The following TBC1D23 variants were observed in gnomAD, a reference collection of about 807,000 sequenced individuals.
The protein encoded by TBC1D23 is HCV non-structural protein 4A-transactivated protein 1.
TBC1D23 carries 55 observed loss-of-function variants against 91.4 expected under a neutral mutation model. That is an observed-to-expected ratio of 0.60 (90% CI 0.48 to 0.75). TBC1D23 has a LOEUF of 0.75. TBC1D23 is among the 30% of genes least tolerant of loss of function. The probability of loss-of-function intolerance (pLI) is 0.00; values close to 1 mark genes in which losing one functional copy is unlikely to be tolerated. For synonymous variants in TBC1D23, 289 were observed against 281.0 expected, an observed-to-expected ratio of 1.03 and a Z score of -0.28; for missense variants, 725 against 836.1, an observed-to-expected ratio of 0.87 and a Z score of 1.64.
At chr3:100,306,661 AAG>A (rs1409966969) in intron 13 of TBC1D23, 118 bp downstream of exon 13, 1 of 590,388 alleles carries the variant, frequency 1.7e-6, no homozygotes, top group African/African-American at 1.9e-5. Flanking sequence ...ACATGCAATG[AAG>A]AGTCATATTA....
chr3:100,307,025 T>G (rs1466025256), intron 13 of TBC1D23, among the ~76,000 whole-genome samples: 1 of 152,240 alleles, frequency 6.6e-6, no homozygotes, highest in Non-Finnish European at 1.5e-5. Context: ...GACTTGAGTC[T>G]ATCCACATTT....
At chr3:100,297,331 T>C (rs1279765074) in intron 8 of TBC1D23, among the ~76,000 whole-genome samples, 1 of 152,222 alleles carries the variant, frequency 6.6e-6, no homozygotes, top group African/African-American at 2.4e-5. Flanking sequence ...AAATAACTAA[T>C]TTAAAAAGAC....
In TBC1D23 at chr3:100,270,562, ATG is replaced by A. The variant is rs1363763566; in HGVS notation, c.54-9084_54-9083del. Among the ~76,000 whole-genome samples, 5 of 152,154 alleles carry A rather than the reference ATG, an allele frequency of 3.3e-5. No individual in the cohort carries two copies. The East Asian group carries it at 5.8e-4, about 18-fold the overall frequency. The stretch of plus-strand genomic sequence containing the variant: ...TATATAGGACCCTTTAAGTAAGTAA[ATG>A]TGAAAATTTTAAAGGAAAGGAGATA... On this transcript the variant is annotated intron_variant, in intron 1 of 18. Coordinates refer to ENST00000394144, the MANE Select transcript of TBC1D23 (RefSeq NM_001199198.3).
At chr3:100,264,311 CTCTT>C (rs572724830) in intron 1 of TBC1D23, among the ~76,000 whole-genome samples, 38 of 151,642 alleles carry the variant, frequency 2.5e-4, no homozygotes, top group African/African-American at 8.5e-4. Flanking sequence ...CTCCCTCCCT[CTCTT>C]TCTTTATCTC....
At chr3:100,299,006 A>C (rs548917701) in intron 9 of TBC1D23, among the ~76,000 whole-genome samples, 7 of 152,332 alleles carry the variant, frequency 4.6e-5, no homozygotes, top group Admixed American at 1.3e-4. Flanking sequence ...GTATTTTAAG[A>C]CTTTCCAGTA....
chr3:100,290,786 G>T, intron 5 of TBC1D23, 85 bp downstream of exon 5: 1 of 1,160,878 alleles, frequency 8.6e-7, no homozygotes, highest in Non-Finnish European at 1.2e-6. Context: ...TCAAGGAAGA[G>T]AAAGAAAAGT....
At chr3:100,312,241 C>T (rs949111318) in intron 15 of TBC1D23, among the ~76,000 whole-genome samples, 11 of 152,116 alleles carry the variant, frequency 7.2e-5, no homozygotes, top group Non-Finnish European at 1.2e-4. Context: ...TTCTATCTCC[C>T]GCCTAGCAGC....
At position 100,268,683 on chromosome 3, in the gene TBC1D23, T is replaced by C. The variant is rs550033172; in HGVS notation, c.53+7612T>C. 5.9e-5 allele frequency among the ~76,000 whole-genome samples: 9 copies of C among 152,366 alleles called. No homozygotes were observed. The South Asian group carries it at 1.9e-3, about 32-fold the overall frequency. ...TCTATCTTAGGCAAAAGTTACACTCTGTTTTTAGTTTCCAAATAAACTGCA... is the reference window on the plus strand; with the variant it reads ...TCTATCTTAGGCAAAAGTTACACTCCGTTTTTAGTTTCCAAATAAACTGCA... On this transcript the variant is annotated intron_variant, in intron 1 of 18. Transcript: ENST00000394144.
Position 100,323,587 on chromosome 3 carries a change from G to T in TBC1D23, c.2019G>T (p.Arg673Ser). 6.8e-7 allele frequency: 1 copy of T among 1,476,722 alleles called. No individual in the cohort carries two copies. The highest frequency in any genetic ancestry group is 9.0e-7 in the Non-Finnish European group (1 of 1,108,204). The allele number at this position is 1,476,722 out of a possible 1,614,324, so 91.5% of individuals were successfully genotyped here. Reference sequence around the variant, plus strand: ...TATATGTATTTTTTTTCCCCCTTAGGTATTTGATTCCAAATGCAGGGGATG... The same window carrying T: ...TATATGTATTTTTTTTCCCCCTTAGTTATTTGATTCCAAATGCAGGGGATG... ...ASGIEILAIE[R>S]YLIPNAGDAT... The change falls in exon 19 of 19, where the codon AGG becomes AGT. Residue 673 changes from arginine (R) to serine (S), a missense_variant and splice_region_variant. Transcript: ENST00000394144.
At chr3:100,262,738 A>AC (rs2067523101) in intron 1 of TBC1D23, among the ~76,000 whole-genome samples, 2 of 151,430 alleles carry the variant, frequency 1.3e-5, no homozygotes, top group Admixed American at 1.3e-4. Flanking sequence ...AAAAAAAAAA[A>AC]AAAAAAACAC....
At chr3:100,281,925 A>G (rs1282499407) in intron 3 of TBC1D23, 78 bp downstream of exon 3, 1 of 761,370 alleles carries the variant, frequency 1.3e-6, no homozygotes, top group Non-Finnish European at 2.1e-6. Flanking sequence ...CTTCAGAATA[A>G]TCTTATAATT....
chr3:100,265,203 G>A (rs1369509924), intron 1 of TBC1D23, among the ~76,000 whole-genome samples: 1 of 152,160 alleles, frequency 6.6e-6, no homozygotes, highest in South Asian at 2.1e-4. Context: ...ATGAATGTAC[G>A]CATGAATGAA....
intron 11 of TBC1D23, among the ~76,000 whole-genome samples, 153 bp from the exon 12 acceptor site, chr3:100,304,693 C>A (rs1358885904): frequency 6.6e-6 from 1 of 152,152 alleles, no homozygotes; most frequent in Non-Finnish European, 1.5e-5. Flanking sequence ...ATGGATATAC[C>A]TCTCTCTGCC....
At chr3:100,276,428 A>T (rs1036098386) in intron 1 of TBC1D23, among the ~76,000 whole-genome samples, 1 of 152,142 alleles carries the variant, frequency 6.6e-6, no homozygotes, top group Non-Finnish European at 1.5e-5. Context: ...AAATTACAAA[A>T]TTTCTAATAA....
At chr3:100,274,226 G>A (rs2067626467) in intron 1 of TBC1D23, among the ~76,000 whole-genome samples, 1 of 152,096 alleles carries the variant, frequency 6.6e-6, no homozygotes, top group Non-Finnish European at 1.5e-5. Flanking sequence ...GCCAAGCATT[G>A]CCCTGAATTT....
intron 1 of TBC1D23, 45 bp downstream of exon 1, chr3:100,261,116 C>G (rs1795136): frequency 1.9e-6 from 3 of 1,574,024 alleles, no homozygotes; most frequent in South Asian, 1.1e-5. Context: ...TTTATTCTTC[C>G]TTCTCACCAT....
chr3:100,320,100 T>A (rs1169456580), intron 17 of TBC1D23, among the ~76,000 whole-genome samples: 1 of 152,262 alleles, frequency 6.6e-6, no homozygotes, highest in East Asian at 1.9e-4. Flanking sequence ...TCACCCTGTG[T>A]ACAGCAGAAC....
At chr3:100,315,076 G>T (rs1705709719) in intron 15 of TBC1D23, among the ~76,000 whole-genome samples, 1 of 150,960 alleles carries the variant, frequency 6.6e-6, no homozygotes, top group Non-Finnish European at 1.5e-5. Flanking sequence ...CCAAAGAAAG[G>T]TCACACTTCC....
At chr3:100,280,185 C>T (rs2067682634) in intron 2 of TBC1D23, among the ~76,000 whole-genome samples, 1 of 151,558 alleles carries the variant, frequency 6.6e-6, no homozygotes, top group Admixed American at 6.6e-5. Context: ...GCCGAGATAG[C>T]GCCACTGCAC....
Sources: gnomAD v4.1 joint callset for allele counts (sites outside exome capture counted in the v4.1 genomes callset) on GRCh38, gnomAD v4.1.1 for gene constraint, MANE v1.5 for transcripts, NCBI Gene and HGNC (gene_info 2026-07-23, HGNC 2026-07-21) for gene names.